The following SLC5A10 variants were observed in gnomAD, a reference collection of about 807,000 sequenced individuals.
SLC5A10 encodes the protein solute carrier family 5 member 10, also known as sodium/mannose cotransporter SLC5A10.
SLC5A10 carries 55 observed loss-of-function variants against 68.9 expected under a neutral mutation model. The ratio of observed to expected loss-of-function variants is 0.80; its 90% CI spans 0.64 to 1.00. SLC5A10 has a LOEUF of 1.00. Ranked by LOEUF, SLC5A10 falls within the 50% of genes least tolerant of loss-of-function variation. The probability of loss-of-function intolerance (pLI) is 0.00; values close to 1 mark genes in which losing one functional copy is unlikely to be tolerated. For synonymous variants in SLC5A10, 344 were observed against 344.8 expected (o/e 1.00, Z 0.02); for missense variants, 732 against 819.3 (o/e 0.89, Z 1.30).
chr17:19,002,382 G>A (rs1328468503), intron 9 of SLC5A10, among the ~76,000 whole-genome samples: 1 of 152,228 alleles, frequency 6.6e-6, no homozygotes, highest in Non-Finnish European at 1.5e-5. Flanking sequence ...AGGGCCAGGG[G>A]CCACCTCACC....
chr17:18,953,124 C>T (rs556522304), intron 1 of SLC5A10, among the ~76,000 whole-genome samples: 2 of 135,882 alleles, frequency 1.5e-5, no homozygotes, highest in East Asian at 2.2e-4. Context: ...AATGAGTACC[C>T]CTTCTTTTTT....
At position 19,021,907 on chromosome 17, in the gene SLC5A10, G is replaced by C. The variant is rs767761158; in HGVS notation, c.*1476G>C. On this transcript the variant is annotated 3_prime_UTR_variant, in exon 15 of 15. Transcript: ENST00000395645. This position sits in a 1 kb window ranked among gnomAD's most constrained non-coding sequence, Gnocchi z 4.1. ...AGCTGGGGGTGTCCATGTCCTCTCT[G>C]GACCTCAGTTCCTGTAAAAAGGCCC... The C allele has an allele frequency of 6.9e-6, 10 of 1,440,642 alleles. No individual in the cohort carries two copies. The highest frequency in any genetic ancestry group is 5.2e-4 in the Middle Eastern group (2 of 3,858). The allele number at this position is 1,440,642 out of a possible 1,614,324, so 89.2% of individuals were successfully genotyped here. A position where few individuals can be genotyped will look rare whatever the true frequency, so the allele number is the denominator to read the frequency against.
chr17:18,999,141 G>T (rs2043653657), intron 9 of SLC5A10, among the ~76,000 whole-genome samples: 1 of 152,176 alleles, frequency 6.6e-6, no homozygotes, highest in East Asian at 1.9e-4. Context: ...AGCTGGGCGT[G>T]GTGGCGCACA....
intron 9 of SLC5A10, chr17:18,977,699 C>T (rs768311912): frequency 1.7e-5 from 28 of 1,610,364 alleles, no homozygotes; most frequent in Middle Eastern, 3.3e-4. Flanking sequence ...AAAGGTCCCT[C>T]GGGTTATATG....
chr17:18,977,689 A>C, intron 9 of SLC5A10: 1 of 1,610,678 alleles, frequency 6.2e-7, no homozygotes. Context: ...GGGGTCCAAC[A>C]AAGGTCCCTC....
intron 9 of SLC5A10, among the ~76,000 whole-genome samples, chr17:18,987,986 G>A (rs1314597474): frequency 6.6e-6 from 1 of 152,232 alleles, no homozygotes; most frequent in Non-Finnish European, 1.5e-5. Flanking sequence ...TGCAGCACTT[G>A]GCATGAGCTC....
intron 11 of SLC5A10, chr17:19,019,191 G>A: frequency 1.8e-6 from 1 of 557,064 alleles, no homozygotes; most frequent in Non-Finnish European, 3.1e-6. Context: ...GGAAGGAGCA[G>A]ACAGCACTTA....
upstream of SLC5A10, among the ~76,000 whole-genome samples, chr17:18,951,105 G>A (rs543985452): frequency 5.3e-5 from 8 of 152,212 alleles, no homozygotes; most frequent in East Asian, 3.8e-4. Context: ...GGTGGCAGCC[G>A]CTCACTCATT....
In SLC5A10 at chr17:19,004,085, G is replaced by A. The variant is rs762638712; in HGVS notation, c.983-9325G>A. 1 of 1,534,726 alleles carries A rather than the reference G, an allele frequency of 6.5e-7. No individual in the cohort carries two copies. The highest frequency in any genetic ancestry group is 2.3e-5 in the East Asian group (1 of 44,060). ...ACTGCTGCCGGGGGTGGGTGGGCAAGGTCCAGCTCCTAGCTCCGGCCCAGC... is the reference window on the plus strand; with the variant it reads ...ACTGCTGCCGGGGGTGGGTGGGCAAAGTCCAGCTCCTAGCTCCGGCCCAGC... On this transcript the variant is annotated intron_variant, in intron 9 of 14. Coordinates refer to ENST00000395645, the MANE Select transcript of SLC5A10 (RefSeq NM_001042450.4). This position sits in a 1 kb window ranked among gnomAD's most constrained non-coding sequence, Gnocchi z 5.4.
Position 18,976,881 on chromosome 17 carries a change from C to G in SLC5A10, c.874C>G (p.Arg292Gly). ...CATCGTGCAGCGATCACTGTCAGCCCGGGACCTGAACCATGCCAAGGCGGG... is the reference window on the plus strand; with the variant it reads ...CATCGTGCAGCGATCACTGTCAGCCGGGGACCTGAACCATGCCAAGGCGGG... ...QVIVQRSLSA[R>G]DLNHAKAGSI... The change falls in exon 9 of 15, where the codon CGG becomes GGG. Residue 292 changes from arginine to glycine, a missense_variant. Coordinates refer to ENST00000395645, the MANE Select transcript of SLC5A10 (RefSeq NM_001042450.4). 1.2e-6 allele frequency: 2 copies of G among 1,613,598 alleles called. No individual in the cohort carries two copies. The highest frequency in any genetic ancestry group is 1.7e-6 in the Non-Finnish European group (2 of 1,180,016).
At chr17:18,976,150 T>G (rs2042971821) in intron 8 of SLC5A10, 1 of 130,872 alleles carries the variant, frequency 7.6e-6, no homozygotes, top group African/African-American at 2.9e-5. Flanking sequence ...ATCGCACCAC[T>G]GCACTCCAGC....
intron 8 of SLC5A10, among the ~76,000 whole-genome samples, chr17:18,972,783 G>A (rs1419362199): frequency 6.6e-6 from 1 of 151,836 alleles, no homozygotes; most frequent in Non-Finnish European, 1.5e-5. Flanking sequence ...AATGGCGTGA[G>A]CCCAGGAGGT....
At chr17:18,953,316 T>C (rs1169902089) in intron 1 of SLC5A10, among the ~76,000 whole-genome samples, 1 of 151,892 alleles carries the variant, frequency 6.6e-6, no homozygotes, top group Non-Finnish European at 1.5e-5. Flanking sequence ...GTATTTTTAG[T>C]AGAGACAGAG....
At chr17:19,011,993 G>A (rs2044024741) in intron 9 of SLC5A10, among the ~76,000 whole-genome samples, 1 of 152,086 alleles carries the variant, frequency 6.6e-6, no homozygotes, top group African/African-American at 2.4e-5. Context: ...TGCTGCTGCT[G>A]TGTTGCAACT....
At position 19,000,877 on chromosome 17, in the gene SLC5A10, G is replaced by A. The variant is rs532557705; in HGVS notation, c.983-12533G>A. ...GCCCCGTCAGCATCCGTCAGTGTCC[G>A]GGCCCTGCCCCTGTGAGCCTGGGAA... On this transcript the variant is annotated intron_variant, in intron 9 of 14. Coordinates refer to ENST00000395645, the MANE Select transcript of SLC5A10 (RefSeq NM_001042450.4). The surrounding 1 kb of genome is among the most constrained non-coding windows in gnomAD (Gnocchi z 5.2). Among the ~76,000 whole-genome samples, 40 of 152,266 alleles carry A rather than the reference G, an allele frequency of 2.6e-4. No homozygotes were observed. Among genetic ancestry groups the A allele is most frequent in the Non-Finnish European group, 2.2e-4 (15 of 68,012 alleles).
intron 9 of SLC5A10, chr17:18,979,159 G>A (rs546032599): frequency 1.5e-4 from 73 of 496,352 alleles, no homozygotes; most frequent in East Asian, 1.1e-3. Context: ...TGTGGTGGCC[G>A]CTGCTGCCAT....
At chr17:19,002,499 G>T (rs1017647159) in intron 9 of SLC5A10, among the ~76,000 whole-genome samples, 1 of 152,240 alleles carries the variant, frequency 6.6e-6, no homozygotes, top group South Asian at 2.1e-4. Context: ...GCAATTGGCT[G>T]CCCTGCTCTG....
Position 19,004,026 on chromosome 17 carries a change from C to G in SLC5A10, c.983-9384C>G. On this transcript the variant is annotated intron_variant, in intron 9 of 14. Transcript: ENST00000395645. This position sits in a 1 kb window ranked among gnomAD's most constrained non-coding sequence, Gnocchi z 5.4. ...ACATGGTTGTCGTCCAGACACTGCACCTGAGAGAAGGCCATGGCGCCGCCT... is the reference window on the plus strand; with the variant it reads ...ACATGGTTGTCGTCCAGACACTGCAGCTGAGAGAAGGCCATGGCGCCGCCT... 6.3e-7 allele frequency: 1 copy of G among 1,598,078 alleles called. No individual in the cohort carries two copies. Among genetic ancestry groups the G allele is most frequent in the Non-Finnish European group, 8.5e-7 (1 of 1,170,402 alleles).
chr17:19,004,068 C>CG lies in SLC5A10; in HGVS notation c.983-9337dup, dbSNP rs1397059290. Reference sequence around the variant, plus strand: ...GCGCCGCCTGCCCGGGCACTGCTGCCGGGGGTGGGTGGGCAAGGTCCAGCT... The same window carrying CG: ...GCGCCGCCTGCCCGGGCACTGCTGCCGGGGGGTGGGTGGGCAAGGTCCAGCT... On this transcript the variant is annotated intron_variant, in intron 9 of 14. Coordinates refer to ENST00000395645, the MANE Select transcript of SLC5A10 (RefSeq NM_001042450.4). The surrounding 1 kb of genome is among the most constrained non-coding windows in gnomAD (Gnocchi z 5.4). The CG allele has an allele frequency of 1.3e-6, 2 of 1,557,206 alleles. No individual in the cohort carries two copies. Among genetic ancestry groups the CG allele is most frequent in the African/African-American group, 1.4e-5 (1 of 73,370 alleles).
Sources: gnomAD v4.1 joint callset for allele counts (sites outside exome capture counted in the v4.1 genomes callset) on GRCh38, gnomAD v4.1.1 for gene constraint, Gnocchi (gnomAD v3.1) non-coding constraint, MANE v1.5 for transcripts, NCBI Gene and HGNC (gene_info 2026-07-23, HGNC 2026-07-21) for gene names.